The following GALNT1 variants were observed in gnomAD, a reference collection of about 807,000 sequenced individuals.
GALNT1 encodes the protein polypeptide N-acetylgalactosaminyltransferase 1, also known as GalNAc transferase 1.
GALNT1 carries 17 observed loss-of-function variants against 65.7 expected under a neutral mutation model. That is an observed-to-expected ratio of 0.26 (90% CI 0.18 to 0.39). The LOEUF (loss-of-function observed/expected upper bound fraction) is 0.39. GALNT1 is among the 10% of genes least tolerant of loss of function. The pLI is 1.00. For synonymous variants in GALNT1, 210 were observed against 219.7 expected (o/e 0.96, Z 0.39); for missense variants, 460 against 672.8 (o/e 0.68, Z 3.50).
intron 9 of GALNT1, among the ~76,000 whole-genome samples, chr18:35,697,005 C>T (rs2048069426): frequency 6.6e-6 from 1 of 152,208 alleles, no homozygotes; most frequent in African/African-American, 2.4e-5. Context: ...CCTGGTTTTC[C>T]AAGAATGGGT....
intron 1 of GALNT1, among the ~76,000 whole-genome samples, chr18:35,632,494 C>A (rs1325224899): frequency 6.6e-6 from 1 of 152,150 alleles, no homozygotes; most frequent in Non-Finnish European, 1.5e-5. Flanking sequence ...ACTGGCTAGC[C>A]ATATGTAGAA....
intron 2 of GALNT1, chr18:35,659,972 C>T (rs989324159): frequency 1.3e-5 from 2 of 152,130 alleles, no homozygotes; most frequent in African/African-American, 2.4e-5. Context: ...AGATAGTGTA[C>T]TGCATTTTAT....
chr18:35,581,853 G>GCA lies in GALNT1; in HGVS notation c.-112_-111insAC, dbSNP rs1345743739. The GCA allele has an allele frequency of 3.4e-5, 2 of 59,516 alleles. No individual in the cohort carries two copies. The highest frequency in any genetic ancestry group is 6.7e-5 in the Non-Finnish European group (2 of 29,990). The allele number at this position is 59,516 out of a possible 1,614,324, so 3.7% of individuals were successfully genotyped here. A position where few individuals can be genotyped will look rare whatever the true frequency, so the allele number is the denominator to read the frequency against. Reference sequence around the variant, plus strand: ...ACGCCTGCCGCCGCCGCCGCCGCGCGCCTAGCGAGGTGAGTGTATCGCCCG... The same window carrying GCA: ...ACGCCTGCCGCCGCCGCCGCCGCGCGCACCTAGCGAGGTGAGTGTATCGCCCG... On this transcript the variant is annotated 5_prime_UTR_variant, in exon 1 of 12. Coordinates refer to ENST00000269195, the MANE Select transcript of GALNT1 (RefSeq NM_020474.4).
At chr18:35,632,790 C>A (rs1206642261) in intron 1 of GALNT1, among the ~76,000 whole-genome samples, 6 of 152,120 alleles carry the variant, frequency 3.9e-5, no homozygotes, top group Non-Finnish European at 8.8e-5. Flanking sequence ...AAAATTTTTG[C>A]AATCTACCCA....
chr18:35,704,079 T>G (rs1292478495), intron 11 of GALNT1, among the ~76,000 whole-genome samples: 1 of 152,218 alleles, frequency 6.6e-6, no homozygotes, highest in East Asian at 1.9e-4. Flanking sequence ...TTTCCTTTTG[T>G]CTGGAACCTT....
At chr18:35,610,092 T>G (rs2046698384) in intron 1 of GALNT1, among the ~76,000 whole-genome samples, 1 of 152,200 alleles carries the variant, frequency 6.6e-6, no homozygotes, top group Non-Finnish European at 1.5e-5. Flanking sequence ...TGAGGCCATT[T>G]TAGACAGAGA....
At chr18:35,695,084 A>G (rs1207876835) in intron 9 of GALNT1, among the ~76,000 whole-genome samples, 1 of 152,156 alleles carries the variant, frequency 6.6e-6, no homozygotes, top group African/African-American at 2.4e-5. Context: ...AGTTCTGGAG[A>G]TTTGTTTCAC....
chr18:35,684,573 A>G (rs1365817587), intron 5 of GALNT1, among the ~76,000 whole-genome samples: 3 of 152,200 alleles, frequency 2.0e-5, no homozygotes, highest in Non-Finnish European at 2.9e-5. Flanking sequence ...TGACAGAAGT[A>G]TGGAAGGGAG....
chr18:35,612,493 A>G (rs764477842), intron 1 of GALNT1, among the ~76,000 whole-genome samples: 5 of 152,220 alleles, frequency 3.3e-5, no homozygotes, highest in African/African-American at 1.2e-4. Context: ...TTGAACAAAT[A>G]GCATCATAAA....
At chr18:35,689,119 A>T (rs1190762734) in intron 6 of GALNT1, 54 bp from the exon 7 acceptor site, 5 of 1,163,376 alleles carry the variant, frequency 4.3e-6, no homozygotes, top group Middle Eastern at 2.0e-4. Flanking sequence ...AAAAACAAAA[A>T]CTGATTGATT....
intron 4 of GALNT1, 21 bp downstream of exon 4, chr18:35,677,778 C>T: frequency 6.4e-7 from 1 of 1,557,864 alleles, no homozygotes; most frequent in Non-Finnish European, 8.8e-7. Flanking sequence ...AATTTTAATG[C>T]CAATAATTTG....
intron 3 of GALNT1, chr18:35,664,480 T>G (rs1598799416): frequency 6.6e-6 from 1 of 152,394 alleles, no homozygotes; most frequent in Non-Finnish European, 1.5e-5. Context: ...TTATTTCTAC[T>G]TTTTGACCCC....
intron 1 of GALNT1, among the ~76,000 whole-genome samples, chr18:35,588,982 G>T (rs2046411725): frequency 6.6e-6 from 1 of 151,898 alleles, no homozygotes; most frequent in South Asian, 2.1e-4. Flanking sequence ...TGAAAACCTG[G>T]GTGTTTTTAT....
At chr18:35,626,568 C>T (rs1316209610) in intron 1 of GALNT1, among the ~76,000 whole-genome samples, 18 of 152,102 alleles carry the variant, frequency 1.2e-4, no homozygotes, top group African/African-American at 4.3e-4. Context: ...ATTGGTGTAT[C>T]AGGATGCTTT....
chr18:35,614,551 A>T (rs904125570), intron 1 of GALNT1, among the ~76,000 whole-genome samples: 3 of 152,174 alleles, frequency 2.0e-5, no homozygotes, highest in African/African-American at 7.2e-5. Context: ...AAAGATGCCC[A>T]CTGTTACCCT....
chr18:35,697,790 T>C (rs908795804), intron 9 of GALNT1, among the ~76,000 whole-genome samples: 15 of 152,184 alleles, frequency 9.9e-5, no homozygotes, highest in Non-Finnish European at 2.9e-5. Flanking sequence ...TTCTAACAGC[T>C]CCTCACCCTT....
intron 1 of GALNT1, among the ~76,000 whole-genome samples, chr18:35,646,173 AAG>A (rs1229216029): frequency 6.6e-6 from 1 of 152,158 alleles, no homozygotes; most frequent in African/African-American, 2.4e-5. Context: ...AGGAGAGAGA[AAG>A]AGGTGGGGGA....
Position 35,691,197 on chromosome 18 carries a change from G to A in GALNT1, c.1159+5G>A. The A allele has an allele frequency of 6.3e-7, 1 of 1,590,918 alleles. No individual in the cohort carries two copies. The highest frequency in any genetic ancestry group is 8.5e-7 in the Non-Finnish European group (1 of 1,171,312). ...TCTTCTATATAATTTCTCCAGGTTA[G>A]CGTTGTTTTGCATTAGAAATACAAG... On this transcript the variant is annotated splice_donor_5th_base_variant and intron_variant, in intron 8 of 11. Transcript: ENST00000269195.
intron 1 of GALNT1, among the ~76,000 whole-genome samples, chr18:35,625,100 A>C (rs1715488774): frequency 6.6e-6 from 1 of 152,266 alleles, no homozygotes; most frequent in South Asian, 2.1e-4. Flanking sequence ...CTTGTAGATT[A>C]GTTTCTGCTC....
Sources: allele counts gnomAD v4.1 joint callset (sites outside exome capture counted in the v4.1 genomes callset), GRCh38; gene constraint gnomAD v4.1.1; transcripts MANE v1.5; gene names NCBI Gene and HGNC (gene_info 2026-07-23, HGNC 2026-07-21).